ETV6: variants seen among roughly 807,000 people sequenced by gnomAD.
ETV6 encodes the protein ETS variant transcription factor 6, also known as transcription factor ETV6.
Under a neutral mutation model 51.1 loss-of-function variants are expected in ETV6, and 16 were observed. The observed-to-expected ratio is 0.31, with a 90% CI of 0.21 to 0.48. ETV6 has a LOEUF of 0.48. Among genes scored for constraint, ETV6 ranks in the 20% least tolerant of loss-of-function variants. ETV6 has a pLI of 0.99. For synonymous variants in ETV6, 240 were observed against 224.1 expected (o/e 1.07, Z -0.64); for missense variants, 458 against 594.8 (o/e 0.77, Z 2.39).
intron 5 of ETV6, among the ~76,000 whole-genome samples, chr12:11,875,752 A>G (rs571928305): frequency 1.2e-4 from 19 of 152,306 alleles, no homozygotes; most frequent in African/African-American, 4.3e-4. Flanking sequence ...CTCTAGAGCA[A>G]AGATTGAAAA....
chr12:11,855,436 C>T (rs1489767182), intron 4 of ETV6, among the ~76,000 whole-genome samples: 1 of 152,182 alleles, frequency 6.6e-6, no homozygotes, highest in Non-Finnish European at 1.5e-5. Flanking sequence ...TTGGTCAGAC[C>T]ACAGACGTCC....
intron 1 of ETV6, among the ~76,000 whole-genome samples, chr12:11,704,395 G>C (rs947210018): frequency 6.6e-5 from 10 of 152,168 alleles, no homozygotes; most frequent in Non-Finnish European, 1.3e-4. Flanking sequence ...TGCCCAGGCT[G>C]GAATACAGTG....
At chr12:11,655,632 T>G (rs1019323011) in intron 1 of ETV6, among the ~76,000 whole-genome samples, 1 of 152,242 alleles carries the variant, frequency 6.6e-6, no homozygotes, top group African/African-American at 2.4e-5. Flanking sequence ...AGTGCTACGA[T>G]GTGCTTGGAA....
At chr12:11,687,081 T>A (rs1864645237) in intron 1 of ETV6, among the ~76,000 whole-genome samples, 1 of 152,162 alleles carries the variant, frequency 6.6e-6, no homozygotes, top group Non-Finnish European at 1.5e-5. Flanking sequence ...AGACGGGGTT[T>A]CACCATGTTG....
chr12:11,774,747 G>A (rs567505894), intron 2 of ETV6, among the ~76,000 whole-genome samples: 18 of 152,234 alleles, frequency 1.2e-4, no homozygotes, highest in South Asian at 1.0e-3. Flanking sequence ...ATGCCTGCAC[G>A]CCAGCCACGG....
At chr12:11,842,855 A>G (rs996711215) in intron 3 of ETV6, among the ~76,000 whole-genome samples, 5 of 152,234 alleles carry the variant, frequency 3.3e-5, no homozygotes, top group South Asian at 2.1e-4. Flanking sequence ...ATACTCAGGC[A>G]CAAAGTGGCT....
chr12:11,739,181 G>T (rs1311581744), intron 1 of ETV6, among the ~76,000 whole-genome samples: 1 of 152,202 alleles, frequency 6.6e-6, no homozygotes, highest in Non-Finnish European at 1.5e-5. Context: ...CAGAGGGCAG[G>T]AAAACACCTT....
At chr12:11,699,475 G>A (rs1305103693) in intron 1 of ETV6, among the ~76,000 whole-genome samples, 6 of 152,118 alleles carry the variant, frequency 3.9e-5, no homozygotes, top group Non-Finnish European at 7.4e-5. Flanking sequence ...CTTGATGAGG[G>A]ATGTACAAGA....
intron 2 of ETV6, among the ~76,000 whole-genome samples, chr12:11,814,882 G>A (rs1168067290): frequency 6.6e-6 from 1 of 152,092 alleles, no homozygotes; most frequent in Non-Finnish European, 1.5e-5. Context: ...AGCCCTTCCC[G>A]GGGAGTGTGA....
chr12:11,817,736 G>A (rs756588230), intron 2 of ETV6, among the ~76,000 whole-genome samples: 2 of 152,138 alleles, frequency 1.3e-5, no homozygotes, highest in Non-Finnish European at 2.9e-5. Context: ...AACTCTTACC[G>A]GAATGGGTTC....
At chr12:11,786,335 T>TG (rs1239205926) in intron 2 of ETV6, among the ~76,000 whole-genome samples, 3 of 63,794 alleles carry the variant, frequency 4.7e-5, no homozygotes, top group Non-Finnish European at 4.2e-5. Flanking sequence ...CAACTTAATT[T>TG]GTTTTTTTTT....
chr12:11,878,241 G>A (rs1447842092), intron 5 of ETV6, among the ~76,000 whole-genome samples: 1 of 152,176 alleles, frequency 6.6e-6, no homozygotes, highest in Non-Finnish European at 1.5e-5. Context: ...AGAAATCAAA[G>A]AGCCCTAAAA....
At chr12:11,669,347 C>G (rs1031868779) in intron 1 of ETV6, among the ~76,000 whole-genome samples, 1 of 125,728 alleles carries the variant, frequency 8.0e-6, no homozygotes, top group African/African-American at 2.7e-5. Context: ...CCTTTCCTCC[C>G]GTCCTCCTGT....
At chr12:11,871,432 C>T (rs146007364) in intron 5 of ETV6, among the ~76,000 whole-genome samples, 1 of 152,004 alleles carries the variant, frequency 6.6e-6, no homozygotes, top group African/African-American at 2.4e-5. Context: ...CCTCGCGATC[C>T]GCCTGCGTCG....
chr12:11,655,482 A>T (rs966915645), intron 1 of ETV6, among the ~76,000 whole-genome samples: 12 of 152,242 alleles, frequency 7.9e-5, no homozygotes, highest in Admixed American at 7.2e-4. Context: ...ATTATAGCCT[A>T]TTAAAAAACA....
rs375614340 is a variant in ETV6 at position 11,814,613 on chromosome 12, T to A, written c.164-24527T>A. On this transcript the variant is annotated intron_variant, in intron 2 of 7. Coordinates refer to ENST00000396373, the MANE Select transcript of ETV6 (RefSeq NM_001987.5). ...AGGCTGGCATAGCTTAGCATCCACA[T>A]CATAAAGGGCTCAGATCGATGGCTC... Among the ~76,000 whole-genome samples, 32 of 152,290 alleles carry A rather than the reference T, an allele frequency of 2.1e-4. No homozygotes were observed. The East Asian group carries it at 4.6e-3, about 22-fold the overall frequency.
chr12:11,849,720 C>T (rs1020111899), intron 3 of ETV6, among the ~76,000 whole-genome samples: 1 of 152,146 alleles, frequency 6.6e-6, no homozygotes, highest in Non-Finnish European at 1.5e-5. Context: ...GACTGGCTAC[C>T]CATCACTGGA....
At chr12:11,822,050 C>T (rs931361169) in intron 2 of ETV6, among the ~76,000 whole-genome samples, 1 of 152,208 alleles carries the variant, frequency 6.6e-6, no homozygotes, top group African/African-American at 2.4e-5. Context: ...GAAAGTCTTC[C>T]CTGGCCGTGC....
intron 1 of ETV6, among the ~76,000 whole-genome samples, chr12:11,675,097 G>A (rs1453122895): frequency 1.3e-5 from 2 of 152,220 alleles, no homozygotes; most frequent in African/African-American, 4.8e-5. Flanking sequence ...AGCCATGGGG[G>A]TAAGCCTAGT....
Sources: gnomAD v4.1 joint callset for allele counts (sites outside exome capture counted in the v4.1 genomes callset) on GRCh38, gnomAD v4.1.1 for gene constraint, MANE v1.5 for transcripts, NCBI Gene and HGNC (gene_info 2026-07-23, HGNC 2026-07-21) for gene names.